ELP3: variants seen among roughly 807,000 people sequenced by gnomAD.
ELP3 encodes elongator complex protein 3.
A neutral mutation model predicts 74.9 loss-of-function variants in ELP3; 56 were observed. The observed-to-expected ratio is 0.75, with a 90% CI of 0.60 to 0.93. ELP3 has a LOEUF of 0.93. Among genes scored for constraint, ELP3 ranks in the 40% least tolerant of loss-of-function variants. ELP3 has a pLI of 0.00. For synonymous variants in ELP3, 222 were observed against 239.8 expected (o/e 0.93, Z 0.68); for missense variants, 573 against 686.5 (o/e 0.83, Z 1.85).
At chr8:28,145,359 T>C (rs1813390457) in intron 10 of ELP3, among the ~76,000 whole-genome samples, 3 of 152,268 alleles carry the variant, frequency 2.0e-5, no homozygotes, top group South Asian at 4.1e-4. Context: ...ATATTAGTTA[T>C]GTCTTGCTAG....
Position 28,187,851 on chromosome 8 carries a change from G to A in ELP3, c.1568-1798G>A, listed in dbSNP as rs149806614. On this transcript the variant is annotated intron_variant, in intron 14 of 14. Coordinates refer to ENST00000256398, the MANE Select transcript of ELP3 (RefSeq NM_018091.6). ...TTCAGGTGGGTCATGCAGCACCTGT[G>A]GACGAATCTGAGGCTCAAGGAGAGC... is the stretch of plus-strand genomic sequence containing the variant. Among the ~76,000 whole-genome samples, 339 of 152,268 alleles carry A rather than the reference G, an allele frequency of 2.2e-3. 3 individuals are homozygous for A. Among genetic ancestry groups the A allele is most frequent in the Admixed American group, 4.0e-3 (61 of 15,296 alleles).
upstream of ELP3, chr8:28,093,054 G>C: frequency 8.5e-7 from 1 of 1,173,594 alleles, no homozygotes; most frequent in South Asian, 1.3e-5. Context: ...AACACGGGGC[G>C]GGGCGTGGCT....
intron 6 of ELP3, 142 bp from the exon 7 acceptor site, chr8:28,112,877 C>T: frequency 1.6e-6 from 1 of 631,444 alleles, no homozygotes; most frequent in African/African-American, 1.9e-5. Context: ...TTTTTATCCA[C>T]AGAATTAGCT....
chr8:28,163,692 A>T (rs1814196033), intron 14 of ELP3, among the ~76,000 whole-genome samples: 1 of 152,260 alleles, frequency 6.6e-6, no homozygotes, highest in African/African-American at 2.4e-5. Context: ...CAGAAGTACC[A>T]GGCAAGGGCC....
intron 7 of ELP3, among the ~76,000 whole-genome samples, chr8:28,115,246 A>G (rs1812081669): frequency 6.6e-6 from 1 of 152,044 alleles, no homozygotes; most frequent in Non-Finnish European, 1.5e-5. Context: ...GACGGTACGA[A>G]ACTGGGGATT....
intron 7 of ELP3, 29 bp from the exon 8 acceptor site, chr8:28,129,473 A>G: frequency 1.9e-6 from 3 of 1,612,806 alleles, no homozygotes; most frequent in Non-Finnish European, 2.5e-6. Flanking sequence ...AACCTGCAAC[A>G]GGTTAATTAT....
chr8:28,137,036 A>C (rs1178337177), intron 9 of ELP3, among the ~76,000 whole-genome samples: 4 of 152,226 alleles, frequency 2.6e-5, no homozygotes, highest in Non-Finnish European at 5.9e-5. Context: ...CAGGATAGGA[A>C]TGGTGCCAGT....
chr8:28,173,642 G>A (rs1372566186), intron 14 of ELP3, among the ~76,000 whole-genome samples: 1 of 142,800 alleles, frequency 7.0e-6, no homozygotes. Context: ...TTTTTTTCTA[G>A]TTCCTTAAGG....
At chr8:28,110,517 G>A in intron 6 of ELP3, 79 bp downstream of exon 6, 1 of 1,205,964 alleles carries the variant, frequency 8.3e-7, no homozygotes, top group Non-Finnish European at 1.2e-6. Flanking sequence ...GATTCAAATT[G>A]AACCTGAAAT....
intron 14 of ELP3, among the ~76,000 whole-genome samples, chr8:28,184,421 G>A (rs948282200): frequency 2.0e-5 from 3 of 152,174 alleles, no homozygotes; most frequent in East Asian, 1.9e-4. Flanking sequence ...GCCCAAGGTG[G>A]TAATCGTTTC....
At chr8:28,095,329 C>T (rs1811211598) in intron 1 of ELP3, among the ~76,000 whole-genome samples, 1 of 152,212 alleles carries the variant, frequency 6.6e-6, no homozygotes, top group African/African-American at 2.4e-5. Flanking sequence ...CCCTTTTACC[C>T]TCCAAATAAA....
At chr8:28,119,570 TTTTATATATATA>T (rs1311914367) in intron 7 of ELP3, among the ~76,000 whole-genome samples, 1 of 92,108 alleles carries the variant, frequency 1.1e-5, no homozygotes, top group Non-Finnish European at 2.1e-5. Context: ...ACTTGTGGCG[TTTTATATATATA>T]TATATATATA....
chr8:28,096,648 T>G (rs977853986), intron 1 of ELP3, among the ~76,000 whole-genome samples: 1 of 152,230 alleles, frequency 6.6e-6, no homozygotes, highest in African/African-American at 2.4e-5. Flanking sequence ...GAGCCCCAGT[T>G]GCCAGAAGTT....
At position 28,189,749 on chromosome 8, in the gene ELP3, G is replaced by T. The variant is rs771276382; in HGVS notation, c.*24G>T. On this transcript the variant is annotated 3_prime_UTR_variant, in exon 15 of 15. Transcript: ENST00000256398. Reference sequence around the variant, plus strand: ...AATGGCCACACCAGTCCACTCTTCTGCAGTATCCTCCCTGGCAGAACACGG... The same window carrying T: ...AATGGCCACACCAGTCCACTCTTCTTCAGTATCCTCCCTGGCAGAACACGG... 1 of 1,607,056 alleles carries T rather than the reference G, an allele frequency of 6.2e-7. No individual in the cohort carries two copies. The highest frequency in any genetic ancestry group is 1.1e-5 in the South Asian group (1 of 90,940).
intron 7 of ELP3, among the ~76,000 whole-genome samples, chr8:28,116,546 C>T (rs1422592058): frequency 6.6e-6 from 1 of 152,252 alleles, no homozygotes; most frequent in Admixed American, 6.5e-5. Flanking sequence ...TTGAGACCAG[C>T]CTGACCAACA....
chr8:28,156,529 G>A (rs1343109796), intron 11 of ELP3, among the ~76,000 whole-genome samples: 1 of 152,064 alleles, frequency 6.6e-6, no homozygotes, highest in Non-Finnish European at 1.5e-5. Context: ...TATACAAAGA[G>A]CCCAAGAACC....
chr8:28,179,547 G>A (rs905033241), intron 14 of ELP3, among the ~76,000 whole-genome samples: 21 of 152,148 alleles, frequency 1.4e-4, no homozygotes, highest in Middle Eastern at 3.4e-3. Context: ...ATTCAAGTGC[G>A]TTACATTTAT....
intron 7 of ELP3, among the ~76,000 whole-genome samples, chr8:28,128,477 A>G (rs1362347928): frequency 1.3e-5 from 2 of 151,542 alleles, no homozygotes; most frequent in East Asian, 1.9e-4. Flanking sequence ...CTCCGAATCA[A>G]AAAAAAAATT....
At chr8:28,164,271 T>C (rs530795303) in intron 14 of ELP3, among the ~76,000 whole-genome samples, 3 of 152,300 alleles carry the variant, frequency 2.0e-5, no homozygotes, top group African/African-American at 7.2e-5. Flanking sequence ...ATTTTCTAAG[T>C]GGAAATCAGC....
Sources: gnomAD v4.1 joint callset for allele counts (sites outside exome capture counted in the v4.1 genomes callset) on GRCh38, gnomAD v4.1.1 for gene constraint, MANE v1.5 for transcripts, NCBI Gene and HGNC (gene_info 2026-07-23, HGNC 2026-07-21) for gene names.